Variants in PARD3B observed in about 807,000 individuals in gnomAD.
PARD3B encodes par-3 family cell polarity regulator beta, also known as partitioning defective 3 homolog B.
A neutral mutation model predicts 130.2 loss-of-function variants in PARD3B; 103 were observed. The observed-to-expected ratio is 0.79, with a 90% CI of 0.67 to 0.93. The LOEUF (loss-of-function observed/expected upper bound fraction) is 0.93. Among genes scored for constraint, PARD3B ranks in the 40% least tolerant of loss-of-function variants. PARD3B has a pLI of 0.00. For missense variants in PARD3B, 1,609 were observed against 1,499.2 expected (o/e 1.07, Z -1.21); for synonymous variants, 583 against 553.2 (o/e 1.05, Z -0.76).
chr2:205,577,277 T>C (rs1200454120), intron 22 of PARD3B, among the ~76,000 whole-genome samples: 1 of 152,114 alleles, frequency 6.6e-6, no homozygotes, highest in Non-Finnish European at 1.5e-5. Flanking sequence ...CCAATCTGTA[T>C]ACCTTCTATT....
intron 16 of PARD3B, among the ~76,000 whole-genome samples, chr2:205,283,282 CT>C (rs1559619941): frequency 6.6e-6 from 1 of 152,068 alleles, no homozygotes; most frequent in Non-Finnish European, 1.5e-5. Flanking sequence ...AGAAGCCAAA[CT>C]TTTTTTGTTT....
rs1219948560 is a variant in PARD3B at position 205,122,688 on chromosome 2, T to G, written c.1165+739T>G. Among the ~76,000 whole-genome samples, 2 of 152,230 alleles carry G rather than the reference T, an allele frequency of 1.3e-5. No homozygotes were observed. The highest frequency in any genetic ancestry group is 3.8e-4 in the East Asian group (2 of 5,200). ...AGACAACTCAAAAGAAACCAAGATCTTATAGATTCTTGTCTGAATTAATAG... is the reference window on the plus strand; with the variant it reads ...AGACAACTCAAAAGAAACCAAGATCGTATAGATTCTTGTCTGAATTAATAG... On this transcript the variant is annotated intron_variant, in intron 8 of 22. Coordinates refer to ENST00000406610, the MANE Select transcript of PARD3B (RefSeq NM_001302769.2). This position sits in a 1 kb window ranked among gnomAD's most constrained non-coding sequence, Gnocchi z 4.3.
chr2:205,376,680 G>A (rs556164485), intron 18 of PARD3B, among the ~76,000 whole-genome samples: 1 of 152,256 alleles, frequency 6.6e-6, no homozygotes, highest in Admixed American at 6.5e-5. Context: ...CATAAAATCC[G>A]GAATCACTGC....
chr2:205,058,945 C>G (rs1226638350), intron 4 of PARD3B, among the ~76,000 whole-genome samples: 1 of 126,776 alleles, frequency 7.9e-6, no homozygotes, highest in Non-Finnish European at 1.7e-5. Flanking sequence ...TCATGAAGTT[C>G]AATTTTTCTT....
Position 205,314,458 on chromosome 2 carries a change from G to A in PARD3B, c.2630+12757G>A, listed in dbSNP as rs145064523. 9.9e-5 allele frequency among the ~76,000 whole-genome samples: 15 copies of A among 152,238 alleles called. No individual in the cohort carries two copies. The East Asian group carries it at 1.2e-3, about 12-fold the overall frequency. The stretch of plus-strand genomic sequence containing the variant: ...GCACCCATACTTATTTTTGCCATCC[G>A]TTGGATTTTCCTGACAAGGCAACAT... On this transcript the variant is annotated intron_variant, in intron 18 of 22. Transcript: ENST00000406610.
chr2:205,397,338 A>C lies in PARD3B; in HGVS notation c.2631-3675A>C. On this transcript the variant is annotated intron_variant, in intron 18 of 22. Transcript: ENST00000406610. The surrounding 1 kb of genome is among the most constrained non-coding windows in gnomAD (Gnocchi z 4.8). ...ATGAACTTTAAATCAAAGCATTTAT[A>C]ATATTTGTAGAATTGCTTGATTTGA... 6.6e-6 allele frequency among the ~76,000 whole-genome samples: 1 copy of C among 152,244 alleles called. No individual in the cohort carries two copies. Among genetic ancestry groups the C allele is most frequent in the African/African-American group, 2.4e-5 (1 of 41,462 alleles).
chr2:204,764,715 C>CATGTGTGTGTGTGTGTGTGTGTGTGT (rs60298501), intron 2 of PARD3B, among the ~76,000 whole-genome samples: 1 of 145,644 alleles, frequency 6.9e-6, no homozygotes, highest in African/African-American at 2.5e-5. Context: ...GGCATGCATG[C>CATGTGTGTGTGTGTGTGTGTGTGTGT]GTGTGTGTGT....
At chr2:205,298,719 C>T (rs1158975490) in intron 16 of PARD3B, among the ~76,000 whole-genome samples, 4 of 152,096 alleles carry the variant, frequency 2.6e-5, no homozygotes, top group Admixed American at 1.3e-4. Flanking sequence ...GCCTACTTGA[C>T]GAGGCTCCAG....
intron 1 of PARD3B, among the ~76,000 whole-genome samples, chr2:204,645,924 G>A (rs2035255293): frequency 6.6e-6 from 1 of 152,004 alleles, no homozygotes; most frequent in African/African-American, 2.4e-5. Context: ...CACTAGATGT[G>A]ACTGCTATAA....
At chr2:205,267,108 A>G (rs1202116634) in intron 16 of PARD3B, among the ~76,000 whole-genome samples, 2 of 152,192 alleles carry the variant, frequency 1.3e-5, no homozygotes, top group Admixed American at 6.5e-5. Flanking sequence ...TTACAAATGC[A>G]TACTTCGGAT....
rs899687385 is a variant in PARD3B, at chr2:205,160,875, C to A, written c.1620+1968C>A. ...ACTTTAAGATTTGAATCCAGGCAGT[C>A]TGACTCCAGAACCTGCGTTATGCTG... On this transcript the variant is annotated intron_variant, in intron 11 of 22. Transcript: ENST00000406610. The surrounding 1 kb of genome is among the most constrained non-coding windows in gnomAD (Gnocchi z 4.0). 8.5e-5 allele frequency among the ~76,000 whole-genome samples: 13 copies of A among 152,168 alleles called. No homozygotes were observed.
chr2:205,218,058 AATTTTTGT>A (rs2038045991), intron 15 of PARD3B, among the ~76,000 whole-genome samples: 1 of 151,092 alleles, frequency 6.6e-6, no homozygotes, highest in African/African-American at 2.4e-5. Flanking sequence ...ATGCTCAGCT[AATTTTTGT>A]ATTTTTAATA....
At chr2:205,600,608 G>A (rs866171591) in intron 22 of PARD3B, among the ~76,000 whole-genome samples, 10 of 152,084 alleles carry the variant, frequency 6.6e-5, no homozygotes, top group African/African-American at 2.2e-4. Context: ...CCATCACCTC[G>A]GTATTAACCC....
intron 2 of PARD3B, among the ~76,000 whole-genome samples, chr2:204,690,186 C>T (rs566808754): frequency 5.3e-5 from 8 of 152,050 alleles, no homozygotes; most frequent in African/African-American, 1.2e-4. Flanking sequence ...TTCAGTTGGA[C>T]GCTTTAGACT....
At chr2:204,548,860 G>A (rs1401027848) in intron 1 of PARD3B, among the ~76,000 whole-genome samples, 3 of 152,176 alleles carry the variant, frequency 2.0e-5, no homozygotes, top group Non-Finnish European at 4.4e-5. Flanking sequence ...TCCAGGTGGC[G>A]AGTGCTATAA....
In PARD3B at chr2:205,292,534, A is replaced by G. The variant is rs1383572919; in HGVS notation, c.2186-7996A>G. Among the ~76,000 whole-genome samples, 1 of 152,162 alleles carries G rather than the reference A, an allele frequency of 6.6e-6. No individual in the cohort carries two copies. The highest frequency in any genetic ancestry group is 1.5e-5 in the Non-Finnish European group (1 of 68,020). ...CAGGAATCATACTCAGGGTGGTGAG[A>G]TGCTCAGCATGAGAGAGGCAAGCAA... On this transcript the variant is annotated intron_variant, in intron 16 of 22. Coordinates refer to ENST00000406610, the MANE Select transcript of PARD3B (RefSeq NM_001302769.2). This position sits in a 1 kb window ranked among gnomAD's most constrained non-coding sequence, Gnocchi z 5.3.
chr2:204,691,177 A>G (rs2037337112), intron 2 of PARD3B, among the ~76,000 whole-genome samples: 1 of 152,084 alleles, frequency 6.6e-6, no homozygotes, highest in South Asian at 2.1e-4. Context: ...TAAGCTTTTT[A>G]AAATGATTAT....
At position 204,770,568 on chromosome 2, in the gene PARD3B, C is replaced by T. The variant is rs111765497; in HGVS notation, c.222+84286C>T. On this transcript the variant is annotated intron_variant, in intron 2 of 22. Coordinates refer to ENST00000406610, the MANE Select transcript of PARD3B (RefSeq NM_001302769.2). Reference sequence around the variant, plus strand: ...TTGTATTTTCAAAATAATGTGGCAACGTTCTTTGAGAGAGTATACCAGGTT... The same window carrying T: ...TTGTATTTTCAAAATAATGTGGCAATGTTCTTTGAGAGAGTATACCAGGTT... 2.7e-3 allele frequency among the ~76,000 whole-genome samples: 407 copies of T among 152,136 alleles called. 3 individuals carry two copies. The highest frequency in any genetic ancestry group is 0.014 in the Middle Eastern group (4 of 294).
chr2:204,609,087 T>C (rs1215862276), intron 1 of PARD3B, among the ~76,000 whole-genome samples: 2 of 152,224 alleles, frequency 1.3e-5, no homozygotes, highest in Admixed American at 1.3e-4. Flanking sequence ...TAAATTAAAA[T>C]GTTCTTAAGG....
Sources: allele counts gnomAD v4.1 joint callset (sites outside exome capture counted in the v4.1 genomes callset), GRCh38; gene constraint gnomAD v4.1.1; non-coding constraint Gnocchi (gnomAD v3.1); transcripts MANE v1.5; gene names NCBI Gene and HGNC (gene_info 2026-07-23, HGNC 2026-07-21).